The following PRKAR1B variants were observed in gnomAD, a reference collection of about 807,000 sequenced individuals.
PRKAR1B encodes protein kinase cAMP-dependent type I regulatory subunit beta.
Under a neutral mutation model 46.5 loss-of-function variants are expected in PRKAR1B, and 22 were observed. The observed-to-expected ratio is 0.47, with a 90% CI of 0.34 to 0.68. The LOEUF is 0.68. Ranked by LOEUF, PRKAR1B falls within the 30% of genes least tolerant of loss-of-function variation. The pLI is 0.01. For missense variants in PRKAR1B, 445 were observed against 535.6 expected (o/e 0.83, Z 1.67); for synonymous variants, 259 against 217.7 (o/e 1.19, Z -1.67).
chr7:572,832 G>A (rs147600756), intron 9 of PRKAR1B, among the ~76,000 whole-genome samples: 11,998 of 152,296 alleles, frequency 0.079, 550 homozygotes, highest in Non-Finnish European at 0.1. Context: ...GACCCACCAA[G>A]GCCGTGATTT....
At position 637,374 on chromosome 7, in the gene PRKAR1B, G is replaced by A. The variant is rs151307423; in HGVS notation, c.441-29922C>T. ...GGAGATTGCAATGAGCCGAGATTGC[G>A]CCACTGCACTCCAGCCTGGGTGAAG... is the stretch of plus-strand genomic sequence containing the variant. On this transcript the variant is annotated intron_variant, in intron 4 of 10. Transcript: ENST00000537384. Among the ~76,000 whole-genome samples the A allele has an allele frequency of 1.7e-3, 259 of 151,970 alleles. 1 individual carries two copies. The highest frequency in any genetic ancestry group is 5.8e-3 in the African/African-American group (240 of 41,446).
chr7:582,833 C>A lies in PRKAR1B; in HGVS notation c.769+1675G>T, dbSNP rs1010177166. Among the ~76,000 whole-genome samples the A allele has an allele frequency of 2.6e-5, 4 of 152,272 alleles. No individual in the cohort carries two copies. In the East Asian group the frequency reaches 7.7e-4, roughly 29 times the overall value. ...GGCAGCGGGACGCCCAGACGGGCGGCAGAGGCCCTGCGTTTGGGATTTTGC... is the reference window on the plus strand; with the variant it reads ...GGCAGCGGGACGCCCAGACGGGCGGAAGAGGCCCTGCGTTTGGGATTTTGC... On this transcript the variant is annotated intron_variant, in intron 8 of 10. Transcript: ENST00000537384.
chr7:677,443 G>C, intron 3 of PRKAR1B, 123 bp from the exon 4 acceptor site: 2 of 794,720 alleles, frequency 2.5e-6, no homozygotes, highest in Non-Finnish European at 4.3e-6. Flanking sequence ...TATGCAATTT[G>C]AAGTTTAATG....
chr7:607,595 A>G, intron 4 of PRKAR1B, 143 bp from the exon 5 acceptor site: 1 of 773,052 alleles, frequency 1.3e-6, no homozygotes, highest in East Asian at 2.7e-5. Flanking sequence ...CAAAGAAGAA[A>G]ATTGAAATCC....
At chr7:653,162 C>G (rs1450570499) in intron 4 of PRKAR1B, among the ~76,000 whole-genome samples, 1 of 152,220 alleles carries the variant, frequency 6.6e-6, no homozygotes, top group East Asian at 1.9e-4. Flanking sequence ...GCCACACAGC[C>G]AGGCCCAGAG....
chr7:584,019 G>C (rs1314610811), intron 8 of PRKAR1B, among the ~76,000 whole-genome samples: 1 of 152,218 alleles, frequency 6.6e-6, no homozygotes, highest in Non-Finnish European at 1.5e-5. Flanking sequence ...CCAGCCTGCC[G>C]TTATCCTTCC....
intron 4 of PRKAR1B, among the ~76,000 whole-genome samples, chr7:625,508 A>C (rs1319277645): frequency 6.6e-6 from 1 of 152,064 alleles, no homozygotes; most frequent in Admixed American, 6.5e-5. Context: ...ACATCACTAC[A>C]GGTCCCATGG....
chr7:564,644 G>A (rs888128240), intron 9 of PRKAR1B, among the ~76,000 whole-genome samples: 3 of 152,158 alleles, frequency 2.0e-5, no homozygotes, highest in East Asian at 3.9e-4. Context: ...GCCTCTTCCC[G>A]CAGCATCCCC....
chr7:720,734 T>C (rs1199239288), intron 1 of PRKAR1B, among the ~76,000 whole-genome samples: 1 of 152,254 alleles, frequency 6.6e-6, no homozygotes, highest in Non-Finnish European at 1.5e-5. Context: ...GTAATGTCCC[T>C]CTTTTTCCCA....
rs529136484 is a variant in PRKAR1B, at chr7:667,983, C to T, written c.440+9246G>A. ...TAATTTCTACCCTTCTCCAAGCTTA[C>T]GTATCTCTCGCACAACCTTATGTAT... On this transcript the variant is annotated intron_variant, in intron 4 of 10. Coordinates refer to ENST00000537384, the MANE Select transcript of PRKAR1B (RefSeq NM_001164760.2). The surrounding 1 kb of genome is among the most constrained non-coding windows in gnomAD (Gnocchi z 4.3). 2.6e-5 allele frequency among the ~76,000 whole-genome samples: 4 copies of T among 152,322 alleles called. No homozygotes were observed. The highest frequency in any genetic ancestry group is 2.1e-4 in the South Asian group (1 of 4,820).
chr7:572,979 G>C (rs1583225046), intron 9 of PRKAR1B, among the ~76,000 whole-genome samples: 1 of 152,212 alleles, frequency 6.6e-6, no homozygotes, highest in Non-Finnish European at 1.5e-5. Context: ...GCGGCCACGA[G>C]GGCAGCCACT....
chr7:588,483 ATGG>A (rs1288474593), intron 7 of PRKAR1B, among the ~76,000 whole-genome samples: 130 of 134,002 alleles, frequency 9.7e-4, no homozygotes, highest in Non-Finnish European at 1.7e-3. Flanking sequence ...GATGGTGGTG[ATGG>A]TGGTGAGGAT....
intron 2 of PRKAR1B, among the ~76,000 whole-genome samples, chr7:711,027 T>TA (rs1364712333): frequency 6.6e-6 from 1 of 152,116 alleles, no homozygotes; most frequent in Admixed American, 6.5e-5. Flanking sequence ...CACCTGGACC[T>TA]AAAACCCTGA....
intron 1 of PRKAR1B, among the ~76,000 whole-genome samples, chr7:719,165 G>A (rs555010700): frequency 1.3e-4 from 20 of 151,800 alleles, no homozygotes; most frequent in Admixed American, 8.5e-4. Context: ...TCAGCCTCCC[G>A]AGTAGGTGGG....
At chr7:604,229 G>C (rs1010433413) in intron 6 of PRKAR1B, among the ~76,000 whole-genome samples, 4 of 152,344 alleles carry the variant, frequency 2.6e-5, no homozygotes, top group African/African-American at 9.6e-5. Context: ...ATCCTCCTCT[G>C]TCTTCTCTAT....
At chr7:638,913 A>G (rs1784257805) in intron 4 of PRKAR1B, among the ~76,000 whole-genome samples, 1 of 151,950 alleles carries the variant, frequency 6.6e-6, no homozygotes, top group Non-Finnish European at 1.5e-5. Flanking sequence ...CCCCGTCTCT[A>G]TTACAAATAC....
At chr7:604,526 G>T (rs759073027) in intron 6 of PRKAR1B, among the ~76,000 whole-genome samples, 16 of 152,232 alleles carry the variant, frequency 1.1e-4, no homozygotes, top group Non-Finnish European at 1.8e-4. Context: ...CCAGGGAGAA[G>T]AGAAACTGGC....
chr7:596,827 G>A (rs915374308), intron 6 of PRKAR1B, among the ~76,000 whole-genome samples: 5 of 152,348 alleles, frequency 3.3e-5, no homozygotes, highest in Middle Eastern at 6.8e-3. Flanking sequence ...ACTGGGCCCC[G>A]AAGGAGCCGG....
chr7:575,327 G>A (rs1779758319), intron 9 of PRKAR1B, among the ~76,000 whole-genome samples: 1 of 152,228 alleles, frequency 6.6e-6, no homozygotes, highest in African/African-American at 2.4e-5. Context: ...CAGCTGCTGG[G>A]CCCCAAGAAG....
Sources: allele counts gnomAD v4.1 joint callset (sites outside exome capture counted in the v4.1 genomes callset), GRCh38; gene constraint gnomAD v4.1.1; non-coding constraint Gnocchi (gnomAD v3.1); transcripts MANE v1.5; gene names NCBI Gene and HGNC (gene_info 2026-07-23, HGNC 2026-07-21).